The following MAP3K13 variants were observed in gnomAD, a reference collection of about 807,000 sequenced individuals.
MAP3K13 encodes the protein leucine zipper-bearing kinase.
MAP3K13 carries 52 observed loss-of-function variants against 104.0 expected under a neutral mutation model. The ratio of observed to expected loss-of-function variants is 0.50; its 90% CI spans 0.40 to 0.63. MAP3K13 has a LOEUF of 0.63. Among genes scored for constraint, MAP3K13 ranks in the 20% least tolerant of loss-of-function variants. The pLI is 0.00. For missense variants in MAP3K13, 914 were observed against 1,218.5 expected (o/e 0.75, Z 3.72); for synonymous variants, 394 against 442.2 (o/e 0.89, Z 1.37).
intron 1 of MAP3K13, among the ~76,000 whole-genome samples, chr3:185,387,661 G>A (rs116577397): frequency 0.012 from 1,808 of 152,076 alleles, 39 homozygotes; most frequent in African/African-American, 0.041. Flanking sequence ...GTCATAGAAG[G>A]ATCATACCTC....
chr3:185,345,238 C>CAT (rs1553790819), intron 2 of MAP3K13, among the ~76,000 whole-genome samples: 8 of 151,964 alleles, frequency 5.3e-5, no homozygotes, highest in Non-Finnish European at 7.4e-5. Context: ...TACACACACA[C>CAT]ATACACACAC....
rs564796024 is a variant in MAP3K13, at chr3:185,342,135, C to G, written c.-86+56492C>G. 7.2e-5 allele frequency among the ~76,000 whole-genome samples: 11 copies of G among 152,264 alleles called. No homozygotes were observed. In the South Asian group the frequency reaches 2.1e-3, roughly 29 times the overall value. ...ACAATTTTGGAAGTAGTTCCTCCAG[C>G]CTTCAGGTGACTACATCCCTGGTCA... On this transcript the variant is annotated intron_variant, in intron 2 of 14. Coordinates refer to the MAP3K13 transcript ENST00000424227.
intron 1 of MAP3K13, among the ~76,000 whole-genome samples, chr3:185,406,899 C>T (rs1052126111): frequency 6.6e-6 from 1 of 152,074 alleles, no homozygotes; most frequent in Non-Finnish European, 1.5e-5. Context: ...AAAAGGGGAT[C>T]TGTGGAAAAA....
At chr3:185,426,349 G>C (rs1436889953) in intron 1 of MAP3K13, among the ~76,000 whole-genome samples, 2 of 152,112 alleles carry the variant, frequency 1.3e-5, no homozygotes, top group Admixed American at 6.5e-5. Flanking sequence ...GAAAGTTTTG[G>C]GATTACAGGC....
At chr3:185,449,770 T>C (rs1047106314) in intron 5 of MAP3K13, 130 bp from the exon 6 acceptor site, 2 of 746,862 alleles carry the variant, frequency 2.7e-6, no homozygotes, top group African/African-American at 3.6e-5. Context: ...GATGTTTCTG[T>C]TTTTCTTATA....
chr3:185,293,542 G>A (rs1186162747), intron 2 of MAP3K13, among the ~76,000 whole-genome samples: 1 of 151,694 alleles, frequency 6.6e-6, no homozygotes, highest in Non-Finnish European at 1.5e-5. Context: ...TCTCACCTCA[G>A]CCTCCCCAGG....
chr3:185,471,711 C>T (rs1385472723), intron 10 of MAP3K13, among the ~76,000 whole-genome samples: 1 of 151,910 alleles, frequency 6.6e-6, no homozygotes, highest in African/African-American at 2.4e-5. Context: ...CCACCTGCCT[C>T]GGCCTCCCAA....
intron 2 of MAP3K13, among the ~76,000 whole-genome samples, chr3:185,321,505 T>C (rs1411436606): frequency 6.6e-6 from 1 of 152,246 alleles, no homozygotes; most frequent in East Asian, 1.9e-4. Flanking sequence ...AAGATTTTTT[T>C]CATTATTTTT....
rs1359802527 is a variant in MAP3K13, at chr3:185,454,613, GATATATATATGAGAT to G, written c.1278+3227_1278+3241del. Among the ~76,000 whole-genome samples the G allele has an allele frequency of 3.3e-3, 232 of 69,952 alleles. 22 individuals are homozygous for G. The highest frequency in any genetic ancestry group is 0.013 in the African/African-American group (225 of 17,520). The allele number at this position is 69,952 out of a possible 152,430, so 45.9% of individuals were successfully genotyped here. ...ATATAGATATATATGAGATATATAT[GATATATATATGAGAT>G]ATATATATGAGATATATATATGATA... On this transcript the variant is annotated intron_variant, in intron 7 of 13. Transcript: ENST00000265026.
rs1716553686 is a variant in MAP3K13, at chr3:185,455,574, A to ATATATATGACATATATAT, written c.1278+4179_1278+4180insTATATATGACATATATAT. On this transcript the variant is annotated intron_variant, in intron 7 of 13. Coordinates refer to ENST00000265026, the MANE Select transcript of MAP3K13 (RefSeq NM_004721.5). ...ATATGATATATATGAGATATATATG[A>ATATATATGACATATATAT]CATATATATGATATATATGAGATAT... Among the ~76,000 whole-genome samples the ATATATATGACATATATAT allele has an allele frequency of 6.4e-3, 38 of 5,902 alleles. 4 individuals are homozygous for ATATATATGACATATATAT. Among genetic ancestry groups the ATATATATGACATATATAT allele is most frequent in the African/African-American group, 0.012 (33 of 2,722 alleles). 3.9% of individuals were successfully genotyped at this position (5,902 alleles called of 152,430 possible).
Position 185,418,707 on chromosome 3 carries a change from C to T in MAP3K13, c.-85-9790C>T. ...GAATAGGAGCCTTGAATACAGCAGGCTAAGTGACATTTTTGCCAGATGACT... is the reference window on the plus strand; with the variant it reads ...GAATAGGAGCCTTGAATACAGCAGGTTAAGTGACATTTTTGCCAGATGACT... On this transcript the variant is annotated intron_variant, in intron 1 of 13. Transcript: ENST00000265026. The surrounding 1 kb of genome is among the most constrained non-coding windows in gnomAD (Gnocchi z 4.5). 6.2e-7 allele frequency: 1 copy of T among 1,611,162 alleles called. No homozygotes were observed. The highest frequency in any genetic ancestry group is 8.5e-7 in the Non-Finnish European group (1 of 1,177,996).
chr3:185,408,738 G>C (rs1713261327), intron 1 of MAP3K13, among the ~76,000 whole-genome samples: 1 of 152,166 alleles, frequency 6.6e-6, no homozygotes, highest in Non-Finnish European at 1.5e-5. Flanking sequence ...AGGTATTTCT[G>C]ATTTGAAAAC....
chr3:185,284,677 G>GC lies in MAP3K13; in HGVS notation c.-204-847dup, dbSNP rs1340142191. Reference sequence around the variant, plus strand: ...TTGCAGGAGCAGAGGTTGTGCCACTGCACTCCAGCCTGGGCGACAGAGTTA... The same window carrying GC: ...TTGCAGGAGCAGAGGTTGTGCCACTGCCACTCCAGCCTGGGCGACAGAGTTA... On this transcript the variant is annotated intron_variant, in intron 1 of 14. Transcript: ENST00000424227. Among the ~76,000 whole-genome samples the GC allele has an allele frequency of 2.6e-5, 4 of 151,832 alleles. No homozygotes were observed. In the East Asian group the frequency reaches 7.7e-4, roughly 29 times the overall value.
chr3:185,288,052 T>C (rs1231679598), intron 2 of MAP3K13, among the ~76,000 whole-genome samples: 1 of 152,152 alleles, frequency 6.6e-6, no homozygotes, highest in African/African-American at 2.4e-5. Context: ...GTCATTTCTG[T>C]TAAATGATGC....
chr3:185,449,258 A>G (rs1456672134), intron 5 of MAP3K13, among the ~76,000 whole-genome samples: 1 of 151,748 alleles, frequency 6.6e-6, no homozygotes, highest in African/African-American at 2.4e-5. Context: ...TTGTAATCCC[A>G]GCTACTTGGG....
In MAP3K13 at chr3:185,483,712, T is replaced by TTTTTTTTTTTTTTTGGTTTGTTGGTTTGG. The variant is rs1560140564; in HGVS notation, c.*1270_*1271insGGTTTGTTGGTTTGGTTTTTTTTTTTTTT. On this transcript the variant is annotated 3_prime_UTR_variant, in exon 14 of 14. Coordinates refer to ENST00000265026, the MANE Select transcript of MAP3K13 (RefSeq NM_004721.5). ...ATAACTCATTCTATCTTAGAAGTTC[T>TTTTTTTTTTTTTTTGGTTTGTTGGTTTGG]TTTTTTTTTTTTTTTTTTTGACAGA... is the stretch of plus-strand genomic sequence containing the variant. The TTTTTTTTTTTTTTTGGTTTGTTGGTTTGG allele has an allele frequency of 5.6e-4, 74 of 133,302 alleles. 8 individuals are homozygous for TTTTTTTTTTTTTTTGGTTTGTTGGTTTGG. Among genetic ancestry groups the TTTTTTTTTTTTTTTGGTTTGTTGGTTTGG allele is most frequent in the East Asian group, 2.8e-3 (18 of 6,538 alleles). The allele number at this position is 133,302 out of a possible 1,614,324, so 8.3% of individuals were successfully genotyped here.
intron 2 of MAP3K13, among the ~76,000 whole-genome samples, chr3:185,338,100 G>A (rs531237487): frequency 7.2e-5 from 11 of 152,110 alleles, no homozygotes; most frequent in Admixed American, 2.6e-4. Flanking sequence ...ATGCCAAGGC[G>A]GGCAGAAAAC....
At chr3:185,287,110 T>A (rs920398498) in intron 2 of MAP3K13, among the ~76,000 whole-genome samples, 1 of 152,212 alleles carries the variant, frequency 6.6e-6, no homozygotes, top group African/African-American at 2.4e-5. Flanking sequence ...TATTAAGATC[T>A]TAAGAATACT....
intron 2 of MAP3K13, among the ~76,000 whole-genome samples, chr3:185,310,973 A>G (rs1721476594): frequency 6.6e-6 from 1 of 152,224 alleles, no homozygotes; most frequent in South Asian, 2.1e-4. Context: ...CTATGGTGGA[A>G]CTTAAGACAA....
Sources: allele counts gnomAD v4.1 joint callset (sites outside exome capture counted in the v4.1 genomes callset), GRCh38; gene constraint gnomAD v4.1.1; non-coding constraint Gnocchi (gnomAD v3.1); transcripts MANE v1.5; gene names NCBI Gene and HGNC (gene_info 2026-07-23, HGNC 2026-07-21).